PBXIP1: variants seen among roughly 807,000 people sequenced by gnomAD.
PBXIP1 encodes the protein pre-B-cell leukemia transcription factor-interacting protein 1.
PBXIP1 carries 73 observed loss-of-function variants against 73.7 expected under a neutral mutation model. The observed-to-expected ratio is 0.99, with a 90% CI of 0.82 to 1.20. PBXIP1 has a LOEUF of 1.20. PBXIP1 is among the 50% of genes most tolerant of loss of function. The pLI, the probability that PBXIP1 is intolerant of heterozygous loss-of-function variation, is 0.00. For synonymous variants in PBXIP1, 330 were observed against 366.9 expected (o/e 0.90, Z 1.15); for missense variants, 818 against 911.4 (o/e 0.90, Z 1.32).
intron 9 of PBXIP1, 55 bp downstream of exon 9, chr1:154,947,362 C>T: frequency 1.2e-6 from 2 of 1,605,412 alleles, no homozygotes; most frequent in South Asian, 1.1e-5. Flanking sequence ...GATGCTAGGA[C>T]AGACGCCTGG....
In PBXIP1 at chr1:154,946,279, G is replaced by T. The variant is rs192315620; in HGVS notation, c.1395C>A (p.His465Gln). The change falls in exon 10 of 11, where the codon CAC (histidine) becomes CAA (glutamine). Residue 465 changes from histidine (H) to glutamine (Q), a missense_variant. By Grantham distance (24) the His-to-Gln change is conservative. Transcript: ENST00000368463. Reference sequence around the variant, plus strand: ...CACTCCACTCCCTAGAATTCTGGAAGTGGGACTTCTGGTGCCAGGCCTTTG... The same window carrying T: ...CACTCCACTCCCTAGAATTCTGGAATTGGGACTTCTGGTGCCAGGCCTTTG... ...NASKAWHQKS[H>Q]FQNSREWSGK... is the part of the protein sequence containing the mutation. 32 of 1,614,194 alleles carry T rather than the reference G, an allele frequency of 2.0e-5. No homozygotes were observed. The highest frequency in any genetic ancestry group is 2.6e-5 in the Non-Finnish European group (31 of 1,180,028).
chr1:154,945,225 A>G (rs906594), intron 10 of PBXIP1, 108 bp from the exon 11 acceptor site: 725,012 of 756,258 alleles, frequency 0.96, 347,731 homozygotes, highest in East Asian at 1. Flanking sequence ...AGCAGGCACC[A>G]CCAAGCATAT....
chr1:154,946,299 C>T lies in PBXIP1; in HGVS notation c.1375G>A (p.Ala459Thr), dbSNP rs1464416112. 3 of 1,614,222 alleles carry T rather than the reference C, an allele frequency of 1.9e-6. No homozygotes were observed. Among genetic ancestry groups the T allele is most frequent in the East Asian group, 2.2e-5 (1 of 44,892 alleles). The change falls in exon 10 of 11, where the codon GCC becomes ACC. Residue 459 changes from alanine to threonine, a missense_variant. Transcript: ENST00000368463. ...DPGVSANASK[A>T]WHQKSHFQNS... is the part of the protein sequence containing the mutation. ...TGGAAGTGGGACTTCTGGTGCCAGG[C>T]CTTTGAGGCATTGGCAGAGACCCCA...
Position 154,945,962 on chromosome 1 carries a change from AG to A in PBXIP1, c.1711del (p.Leu571CysfsTer8). ...REGTKDSHDP[L>X]PSWAELLRPK... ...CCTCAACAGCTCTGCCCAGGATGGC[AG>A]GGGGTCATGGCTGTCCTTAGTCCCT... On this transcript the variant is annotated frameshift_variant, in exon 10 of 11. Transcript: ENST00000368463. LOFTEE classifies it high-confidence loss of function. 6.2e-7 allele frequency: 1 copy of A among 1,614,048 alleles called. No individual in the cohort carries two copies. The highest frequency in any genetic ancestry group is 8.5e-7 in the Non-Finnish European group (1 of 1,179,910).
At chr1:154,947,867 T>C in intron 7 of PBXIP1, 115 bp downstream of exon 7, 1 of 1,371,964 alleles carries the variant, frequency 7.3e-7, no homozygotes, top group Admixed American at 1.7e-5. Context: ...CCTGAACAGC[T>C]GACAAGGCCA....
intron 6 of PBXIP1, 56 bp downstream of exon 6, chr1:154,948,077 C>T: frequency 1.9e-6 from 3 of 1,575,634 alleles, no homozygotes; most frequent in Non-Finnish European, 2.6e-6. Context: ...GAGAACATGG[C>T]AGGAAGGCAG....
At position 154,953,694 on chromosome 1, in the gene PBXIP1, T is replaced by C. The variant is rs1655083508; in HGVS notation, c.28A>G (p.Ser10Gly). 6.2e-7 allele frequency: 1 copy of C among 1,612,660 alleles called. No homozygotes were observed. Among genetic ancestry groups the C allele is most frequent in the Non-Finnish European group, 8.5e-7 (1 of 1,179,202 alleles). Residue 10 changes from serine (S) to glycine (G), a missense_variant, in exon 2 of 11, where the codon AGC (serine) becomes GGC (glycine). By Grantham distance (56) the Ser-to-Gly change is moderately conservative. Coordinates refer to ENST00000368463, the MANE Select transcript of PBXIP1 (RefSeq NM_020524.4). ...ACCTCGGAGCCAGCAAGCACCCAGC[T>C]ATTATCAGAGTCTGGGCAGGAGGCC... MASCPDSDN[S>G]WVLAGSESLP...
chr1:154,944,974 T>C lies in PBXIP1; in HGVS notation c.*50A>G. On this transcript the variant is annotated 3_prime_UTR_variant, in exon 11 of 11. Transcript: ENST00000368463. ...CCACCCTCCAGGAGTTAGATAACGC[T>C]GGGATCTTGGGCTGGGCCAGGCCAA... 6.9e-7 allele frequency: 1 copy of C among 1,459,340 alleles called. No individual in the cohort carries two copies. The highest frequency in any genetic ancestry group is 1.1e-5 in the South Asian group (1 of 87,842). The allele number at this position is 1,459,340 out of a possible 1,614,324, so 90.4% of individuals were successfully genotyped here.
intron 9 of PBXIP1, 110 bp from the exon 10 acceptor site, chr1:154,946,913 GT>G: frequency 9.4e-7 from 1 of 1,061,398 alleles, no homozygotes; most frequent in Admixed American, 2.7e-5. Flanking sequence ...GCCTGAGCCC[GT>G]TTTACAGCCT....
chr1:154,953,287 G>A (rs1170655248), intron 2 of PBXIP1, among the ~76,000 whole-genome samples: 1 of 152,116 alleles, frequency 6.6e-6, no homozygotes, highest in African/African-American at 2.4e-5. Context: ...GGGTTCCCAG[G>A]CTCTGTCCCC....
chr1:154,949,915 C>T (rs1254886547), intron 5 of PBXIP1, among the ~76,000 whole-genome samples: 1 of 152,156 alleles, frequency 6.6e-6, no homozygotes, highest in Non-Finnish European at 1.5e-5. Flanking sequence ...CTAGCCCAGC[C>T]CCTCCTGCCT....
In PBXIP1 at chr1:154,945,165, C is replaced by T. The variant is rs367723584; in HGVS notation, c.2103-48G>A. On this transcript the variant is annotated intron_variant, in intron 10 of 10. Coordinates refer to ENST00000368463, the MANE Select transcript of PBXIP1 (RefSeq NM_020524.4). ...AGGGGACAATACCATGCAATGAAAA[C>T]GGGTTCCCCAAGGAGAGAGGACCCT... is the stretch of plus-strand genomic sequence containing the variant. 35 of 1,448,904 alleles carry T rather than the reference C, an allele frequency of 2.4e-5. No homozygotes were observed. The African/African-American group carries it at 4.0e-4, about 17-fold the overall frequency. 89.8% of individuals were successfully genotyped at this position (1,448,904 alleles called of 1,614,324 possible). A position where few individuals can be genotyped will look rare whatever the true frequency, so the allele number is the denominator to read the frequency against.
rs745919023 is a variant in PBXIP1, at chr1:154,945,559, C to T, written c.2102+13G>A. On this transcript the variant is annotated intron_variant, in intron 10 of 10. Transcript: ENST00000368463. Reference sequence around the variant, plus strand: ...TCTGTCCCACCCGACCCAACTCCCCCACAGCTGCCCACCTCTTCTTCAGTG... The same window carrying T: ...TCTGTCCCACCCGACCCAACTCCCCTACAGCTGCCCACCTCTTCTTCAGTG... The T allele has an allele frequency of 1.9e-6, 3 of 1,606,030 alleles. No individual in the cohort carries two copies. The highest frequency in any genetic ancestry group is 2.7e-5 in the African/African-American group (2 of 74,820).
At chr1:154,947,022 A>G in intron 9 of PBXIP1, 1 of 550,014 alleles carries the variant, frequency 1.8e-6, no homozygotes, top group South Asian at 2.9e-5. Context: ...CGGCATCTAC[A>G]TCTTTATATA....
Position 154,945,771 on chromosome 1 carries a change from C to A in PBXIP1, c.1903G>T (p.Glu635Ter). Reference protein sequence around the residue: ...RLPWAGQLTKELPLSPAFFGE... With the variant: ...RLPWAGQLTK ...AAGAAAGCAGGTGAGAGGGGTAGCTCCTTGGTCAGCTGCCCAGCCCAGGGC... is the reference window on the plus strand; with the variant it reads ...AAGAAAGCAGGTGAGAGGGGTAGCTACTTGGTCAGCTGCCCAGCCCAGGGC... Residue 635 changes from glutamate (E) to a stop codon, truncating the protein, a stop_gained, in exon 10 of 11, where the codon GAG becomes TAG. Transcript: ENST00000368463. LOFTEE classifies it high-confidence loss of function. 1 of 1,614,170 alleles carries A rather than the reference C, an allele frequency of 6.2e-7. No homozygotes were observed. Among genetic ancestry groups the A allele is most frequent in the Non-Finnish European group, 8.5e-7 (1 of 1,179,988 alleles).
chr1:154,951,434 C>G lies in PBXIP1; in HGVS notation c.243+37G>C. On this transcript the variant is annotated intron_variant, in intron 4 of 10. Transcript: ENST00000368463. The surrounding 1 kb of genome is among the most constrained non-coding windows in gnomAD (Gnocchi z 4.3). ...GCAGCAGTGAGCAGCTGCTAGCCCT[C>G]CCCGCCTCCCTTCCTTCCCACAGCA... 1 of 1,614,060 alleles carries G rather than the reference C, an allele frequency of 6.2e-7. No homozygotes were observed. The highest frequency in any genetic ancestry group is 8.5e-7 in the Non-Finnish European group (1 of 1,179,934).
rs748835365 is a variant in PBXIP1 at position 154,951,296 on chromosome 1, T to C, written c.345A>G (p.Gly115=). Reference sequence around the variant, plus strand: ...GGCCTTCCAGGTCCTGTGTGTCTGGTCCCAGGCCTGTCACCACGGTGGTCT... The same window carrying C: ...GGCCTTCCAGGTCCTGTGTGTCTGGCCCCAGGCCTGTCACCACGGTGGTCT... The part of the protein sequence containing the change: ...LQETTVVTGL[G]PDTQDLEGQS... Residue 115 remains glycine (G), a synonymous_variant, in exon 5 of 11, where the codon GGA becomes GGG. Transcript: ENST00000368463. This position sits in a 1 kb window ranked among gnomAD's most constrained non-coding sequence, Gnocchi z 4.3. 6.2e-7 allele frequency: 1 copy of C among 1,614,076 alleles called. No individual in the cohort carries two copies. The highest frequency in any genetic ancestry group is 8.5e-7 in the Non-Finnish European group (1 of 1,179,968).
chr1:154,950,668 G>C (rs1654978378), intron 5 of PBXIP1, among the ~76,000 whole-genome samples: 1 of 152,196 alleles, frequency 6.6e-6, no homozygotes, highest in Non-Finnish European at 1.5e-5. Flanking sequence ...TGCAGCCTTG[G>C]CCTAAAACAT....
chr1:154,952,197 A>G (rs1408254456), intron 2 of PBXIP1, among the ~76,000 whole-genome samples: 1 of 152,096 alleles, frequency 6.6e-6, no homozygotes, highest in East Asian at 1.9e-4. Context: ...TTTCCCTCCC[A>G]TCAAGATCAG....
Sources: allele counts gnomAD v4.1 joint callset (sites outside exome capture counted in the v4.1 genomes callset), GRCh38; gene constraint gnomAD v4.1.1; non-coding constraint Gnocchi (gnomAD v3.1); transcripts MANE v1.5; gene names NCBI Gene and HGNC (gene_info 2026-07-23, HGNC 2026-07-21).